LRFN5: variants seen among roughly 807,000 people sequenced by gnomAD.
The protein encoded by LRFN5 is leucine rich repeat and fibronectin type III domain containing 5, also known as leucine-rich repeat and fibronectin type-III domain-containing protein 5.
LRFN5 carries 24 observed loss-of-function variants against 45.6 expected under a neutral mutation model. The observed-to-expected ratio is 0.53, with a 90% CI of 0.38 to 0.74. The LOEUF is 0.74. Ranked by LOEUF, LRFN5 falls within the 30% of genes least tolerant of loss-of-function variation. The pLI, the probability that LRFN5 is intolerant of heterozygous loss-of-function variation, is 0.00. For missense variants in LRFN5, 776 were observed against 861.5 expected (o/e 0.90, Z 1.24); for synonymous variants, 340 against 313.8 (o/e 1.08, Z -0.88).
chr14:41,622,604 A>G (rs1888175224), intron 1 of LRFN5, among the ~76,000 whole-genome samples: 1 of 152,148 alleles, frequency 6.6e-6, no homozygotes, highest in South Asian at 2.1e-4. Flanking sequence ...TAAACAAGCT[A>G]CAAGGTTGTG....
At position 41,748,095 on chromosome 14, in the gene LRFN5, A is replaced by T. The variant is rs144240493; in HGVS notation, c.-196-18759A>T. On this transcript the variant is annotated intron_variant, in intron 1 of 5. Coordinates refer to ENST00000298119, the MANE Select transcript of LRFN5 (RefSeq NM_152447.5). ...TGGGAATGTAAAGTGAAAGTGGTTC[A>T]TTTGCCTGGGAAAATAAGATAGTTC... Among the ~76,000 whole-genome samples the T allele has an allele frequency of 6.6e-3, 1,001 of 152,192 alleles. 2 individuals are homozygous for T. The highest frequency in any genetic ancestry group is 0.011 in the Non-Finnish European group (719 of 67,936).
intron 1 of LRFN5, among the ~76,000 whole-genome samples, chr14:41,726,074 G>A (rs1261035422): frequency 6.6e-6 from 1 of 152,104 alleles, no homozygotes; most frequent in Non-Finnish European, 1.5e-5. Flanking sequence ...TACGATTGAT[G>A]ATCACAACAC....
intron 2 of LRFN5, among the ~76,000 whole-genome samples, chr14:41,858,495 A>G (rs992427621): frequency 6.7e-6 from 1 of 148,562 alleles, no homozygotes; most frequent in Non-Finnish European, 1.5e-5. Flanking sequence ...GCATTGCTCT[A>G]GTAAGTTTTT....
intron 5 of LRFN5, among the ~76,000 whole-genome samples, chr14:41,900,938 G>A (rs962040269): frequency 7.9e-5 from 12 of 152,154 alleles, no homozygotes; most frequent in African/African-American, 2.6e-4. Flanking sequence ...CTTCAGCTCC[G>A]AGTTTTCCGT....
intron 2 of LRFN5, among the ~76,000 whole-genome samples, chr14:41,818,393 A>G (rs552440468): frequency 1.2e-3 from 186 of 152,130 alleles, no homozygotes; most frequent in Non-Finnish European, 1.7e-3. Flanking sequence ...TGGGGGACTA[A>G]AATATCTCAC....
chr14:41,892,807 T>A, intron 4 of LRFN5: 1 of 985,266 alleles, frequency 1.0e-6, no homozygotes, highest in Non-Finnish European at 1.2e-6. Flanking sequence ...AAAACTCTAA[T>A]CAGTTTTCAG....
At chr14:41,703,796 A>C (rs1048283931) in intron 1 of LRFN5, among the ~76,000 whole-genome samples, 1 of 152,142 alleles carries the variant, frequency 6.6e-6, no homozygotes, top group African/African-American at 2.4e-5. Flanking sequence ...TAAGTATTTT[A>C]TCAGCATTAT....
At chr14:41,753,263 C>G (rs1415154925) in intron 1 of LRFN5, among the ~76,000 whole-genome samples, 7 of 151,186 alleles carry the variant, frequency 4.6e-5, no homozygotes, top group Non-Finnish European at 1.0e-4. Context: ...TTTTTTGGTT[C>G]CATATGAACT....
chr14:41,705,495 C>T (rs1422309379), intron 1 of LRFN5, among the ~76,000 whole-genome samples: 3 of 152,144 alleles, frequency 2.0e-5, no homozygotes, highest in Non-Finnish European at 4.4e-5. Context: ...TTGGTGATTA[C>T]TCTTACGTCA....
intron 1 of LRFN5, among the ~76,000 whole-genome samples, chr14:41,672,131 T>C (rs937781412): frequency 6.6e-6 from 1 of 152,236 alleles, no homozygotes; most frequent in Admixed American, 6.5e-5. Flanking sequence ...ATTTTTTAAA[T>C]TGGAATAATA....
chr14:41,729,785 C>T (rs1884090487), intron 1 of LRFN5, among the ~76,000 whole-genome samples: 2 of 151,922 alleles, frequency 1.3e-5, no homozygotes, highest in Admixed American at 1.3e-4. Context: ...CAAGTTAATG[C>T]ATTCTGTACC....
At chr14:41,858,000 TA>T (rs1215354182) in intron 2 of LRFN5, among the ~76,000 whole-genome samples, 1 of 152,182 alleles carries the variant, frequency 6.6e-6, no homozygotes, top group Non-Finnish European at 1.5e-5. Context: ...ATAAGGGGAA[TA>T]TAATACATTA....
intron 1 of LRFN5, among the ~76,000 whole-genome samples, chr14:41,665,239 C>T (rs573881949): frequency 6.6e-6 from 1 of 151,660 alleles, no homozygotes; most frequent in South Asian, 2.1e-4. Flanking sequence ...ACTAATGACC[C>T]ACTTGCTGTA....
At position 41,704,438 on chromosome 14, in the gene LRFN5, C is replaced by CTGTGTGTGTGTGTGTGTG. The variant is rs199862342; in HGVS notation, c.-196-62415_-196-62414insGTGTGTGTGTGTGTGTGT. On this transcript the variant is annotated intron_variant, in intron 1 of 5. Transcript: ENST00000298119. Reference sequence around the variant, plus strand: ...TCTCTCTCTCTCTCTCTCTCTCTCTCTCTCTCTCTCTGTGTGTGTGTGTCT... The same window carrying CTGTGTGTGTGTGTGTGTG: ...TCTCTCTCTCTCTCTCTCTCTCTCTCTGTGTGTGTGTGTGTGTGTCTCTCTCTCTGTGTGTGTGTGTCT... Among the ~76,000 whole-genome samples, 721 of 111,642 alleles carry CTGTGTGTGTGTGTGTGTG rather than the reference C, an allele frequency of 6.5e-3. 13 individuals carry two copies. Among genetic ancestry groups the CTGTGTGTGTGTGTGTGTG allele is most frequent in the East Asian group, 0.028 (120 of 4,282 alleles). The allele number at this position is 111,642 out of a possible 152,430, so 73.2% of individuals were successfully genotyped here.
rs1889347625 is a variant in LRFN5 at position 41,853,568 on chromosome 14, A to G, written c.-20-33038A>G. On this transcript the variant is annotated intron_variant, in intron 2 of 5. Transcript: ENST00000298119. ...TTGTAGGGAGTAGTTTCCTTGGGTT[A>G]CATTAGGTTTCCATTTTGGATATAT... 2.0e-5 allele frequency among the ~76,000 whole-genome samples: 3 copies of G among 152,040 alleles called. No homozygotes were observed. The South Asian group carries it at 6.2e-4, about 31-fold the overall frequency.
At chr14:41,613,017 T>C (rs919731840) in intron 1 of LRFN5, among the ~76,000 whole-genome samples, 5 of 152,104 alleles carry the variant, frequency 3.3e-5, no homozygotes, top group African/African-American at 4.8e-5. Context: ...TTAATACTAA[T>C]TATGAAGTTG....
intron 1 of LRFN5, among the ~76,000 whole-genome samples, chr14:41,685,808 G>A (rs771575094): frequency 2.6e-4 from 39 of 151,960 alleles, no homozygotes; most frequent in African/African-American, 8.2e-4. Context: ...GTTTCTGTAC[G>A]GCTTCATTAG....
At chr14:41,671,028 A>G (rs1038909329) in intron 1 of LRFN5, among the ~76,000 whole-genome samples, 1 of 151,914 alleles carries the variant, frequency 6.6e-6, no homozygotes, top group Non-Finnish European at 1.5e-5. Flanking sequence ...TAGAGTAACC[A>G]TTAATATTTA....
intron 2 of LRFN5, among the ~76,000 whole-genome samples, chr14:41,778,632 A>G (rs1886376424): frequency 6.6e-6 from 1 of 151,816 alleles, no homozygotes. Flanking sequence ...ATTAATAACT[A>G]CAATGTGAAG....
Sources: allele counts gnomAD v4.1 joint callset (sites outside exome capture counted in the v4.1 genomes callset), GRCh38; gene constraint gnomAD v4.1.1; transcripts MANE v1.5; gene names NCBI Gene and HGNC (gene_info 2026-07-23, HGNC 2026-07-21).